Variants in ANGPT1 observed in about 807,000 individuals in gnomAD.
The protein encoded by ANGPT1 is angiopoietin-1.
In ANGPT1, 17 loss-of-function variants were observed where a neutral mutation model predicts 62.2. The ratio of observed to expected loss-of-function variants is 0.27; its 90% confidence interval spans 0.19 to 0.41. The LOEUF is 0.41. ANGPT1 is among the 10% of genes least tolerant of loss of function. The probability of loss-of-function intolerance (pLI) is 1.00; values close to 1 mark genes in which losing one functional copy is unlikely to be tolerated. For missense variants in ANGPT1, 478 were observed against 594.9 expected, an observed-to-expected ratio of 0.80 and a Z score of 2.04; for synonymous variants, 199 against 198.9, an observed-to-expected ratio of 1.00 and a Z score of 0.00.
At chr8:107,453,427 G>A (rs1217580823) in intron 1 of ANGPT1, among the ~76,000 whole-genome samples, 1 of 151,966 alleles carries the variant, frequency 6.6e-6, no homozygotes, top group Non-Finnish European at 1.5e-5. Context: ...AAGGCAAGGA[G>A]GAGCAAGTCA....
chr8:107,441,336 G>T (rs927100060), intron 1 of ANGPT1, among the ~76,000 whole-genome samples: 1 of 152,176 alleles, frequency 6.6e-6, no homozygotes, highest in Non-Finnish European at 1.5e-5. Flanking sequence ...ATCATGCAAA[G>T]CAATCATAAT....
intron 1 of ANGPT1, among the ~76,000 whole-genome samples, chr8:107,403,462 G>C (rs1027520147): frequency 2.0e-5 from 3 of 151,998 alleles, no homozygotes; most frequent in East Asian, 1.9e-4. Flanking sequence ...CAATCAGTTG[G>C]GCCTGGCAGA....
chr8:107,424,014 T>G (rs1810971913), intron 1 of ANGPT1, among the ~76,000 whole-genome samples: 1 of 151,788 alleles, frequency 6.6e-6, no homozygotes, highest in Admixed American at 6.6e-5. Context: ...CTAATTTTTG[T>G]ATTTTTAGTA....
chr8:107,488,716 TAATACTGGTAATAAGGTTAC>T (rs1812880688), intron 1 of ANGPT1, among the ~76,000 whole-genome samples: 1 of 152,210 alleles, frequency 6.6e-6, no homozygotes. Context: ...AGAAGACTGA[TAATACTGGTAATAAGGTTAC>T]AATTCTCACC....
chr8:107,463,108 T>C (rs1440350617), intron 1 of ANGPT1, among the ~76,000 whole-genome samples: 1 of 152,116 alleles, frequency 6.6e-6, no homozygotes, highest in Non-Finnish European at 1.5e-5. Context: ...TTTCAAAAGG[T>C]ATTTCTTTCA....
intron 1 of ANGPT1, among the ~76,000 whole-genome samples, chr8:107,365,874 C>CAT (rs903406986): frequency 6.6e-6 from 1 of 151,744 alleles, no homozygotes; most frequent in African/African-American, 2.4e-5. Flanking sequence ...CACACACACA[C>CAT]ACACACACAC....
intron 1 of ANGPT1, among the ~76,000 whole-genome samples, chr8:107,360,342 C>T (rs1816136413): frequency 6.6e-6 from 1 of 152,110 alleles, no homozygotes; most frequent in African/African-American, 2.4e-5. Context: ...GTTACCATCT[C>T]AGACCAATGA....
chr8:107,340,614 C>T (rs188484782), intron 2 of ANGPT1, among the ~76,000 whole-genome samples: 3 of 151,906 alleles, frequency 2.0e-5, no homozygotes, highest in Non-Finnish European at 4.4e-5. Context: ...ACCACAGTCA[C>T]TGCAGCCTCT....
At chr8:107,271,904 T>TAAAAAAAAA (rs35257524) in intron 7 of ANGPT1, among the ~76,000 whole-genome samples, 1 of 138,222 alleles carries the variant, frequency 7.2e-6, no homozygotes, top group African/African-American at 2.6e-5. Context: ...TTGATACTGG[T>TAAAAAAAAA]AAAAAAAAAA....
At chr8:107,454,394 A>C (rs900435486) in intron 1 of ANGPT1, among the ~76,000 whole-genome samples, 7 of 152,226 alleles carry the variant, frequency 4.6e-5, no homozygotes, top group African/African-American at 1.4e-4. Context: ...GTTAAAATAC[A>C]AATCAGTTCT....
intron 1 of ANGPT1, among the ~76,000 whole-genome samples, chr8:107,496,311 T>A (rs1462838316): frequency 6.6e-6 from 1 of 152,212 alleles, no homozygotes; most frequent in African/African-American, 2.4e-5. Context: ...ACAGAATGAA[T>A]TGCAGAAGTG....
At chr8:107,338,961 T>C (rs1014814078) in intron 2 of ANGPT1, among the ~76,000 whole-genome samples, 5 of 152,240 alleles carry the variant, frequency 3.3e-5, no homozygotes, top group African/African-American at 4.8e-5. Context: ...GCATATCATA[T>C]GCAGTTAAAT....
chr8:107,438,481 C>T (rs2130424653), intron 1 of ANGPT1, among the ~76,000 whole-genome samples: 1 of 152,164 alleles, frequency 6.6e-6, no homozygotes, highest in East Asian at 1.9e-4. Context: ...ATATCAGGTT[C>T]TTACAAAATA....
At chr8:107,334,623 CGTTTT>C (rs1436078969) in intron 3 of ANGPT1, among the ~76,000 whole-genome samples, 1 of 151,946 alleles carries the variant, frequency 6.6e-6, no homozygotes, top group Non-Finnish European at 1.5e-5. Context: ...AAATTGTCAT[CGTTTT>C]ACTTATCCAT....
chr8:107,384,019 A>G lies in ANGPT1; in HGVS notation c.298-36922T>C, dbSNP rs187497427. On this transcript the variant is annotated intron_variant, in intron 1 of 8. Coordinates refer to ENST00000517746, the MANE Select transcript of ANGPT1 (RefSeq NM_001146.5). ...AAAAATAAGCAATCTTCCATTGCACATGTGGTAACATAATTAAGGGTGTCA... is the reference window on the plus strand; with the variant it reads ...AAAAATAAGCAATCTTCCATTGCACGTGTGGTAACATAATTAAGGGTGTCA... Among the ~76,000 whole-genome samples, 65 of 152,334 alleles carry G rather than the reference A, an allele frequency of 4.3e-4. No homozygotes were observed. The South Asian group carries it at 9.1e-3, about 21-fold the overall frequency.
At chr8:107,272,873 CTTTT>C (rs1813770460) in intron 7 of ANGPT1, among the ~76,000 whole-genome samples, 1 of 127,534 alleles carries the variant, frequency 7.8e-6, no homozygotes, top group Non-Finnish European at 1.6e-5. Flanking sequence ...TATTCCTTCC[CTTTT>C]TTAAGAATAC....
rs774576736 is a variant in ANGPT1 at position 107,284,773 on chromosome 8, T to A, written c.1114A>T (p.Met372Leu). The change falls in exon 7 of 9, where the codon ATG becomes TTG. Residue 372 changes from methionine to leucine, a missense_variant. This residue lies in a region of ANGPT1 where 81 missense variants were observed against 117.1 expected (regional missense o/e 0.69). Coordinates refer to ENST00000517746, the MANE Select transcript of ANGPT1 (RefSeq NM_001146.5). ...IFAITSQRQYMLRIELMDWEG... is the reference protein window; with the variant it reads ...IFAITSQRQYLLRIELMDWEG... ...CAGTCCATTAACTCAATTCTTAGCA[T>A]GTACTGCCTCTGACTGGTAATGGCA... 2 of 1,612,282 alleles carry A rather than the reference T, an allele frequency of 1.2e-6. No homozygotes were observed. The highest frequency in any genetic ancestry group is 4.5e-5 in the East Asian group (2 of 44,772).
chr8:107,314,224 A>C (rs1302174013), intron 4 of ANGPT1, among the ~76,000 whole-genome samples: 1 of 152,180 alleles, frequency 6.6e-6, no homozygotes, highest in Non-Finnish European at 1.5e-5. Context: ...TAATATTGGA[A>C]CATCAAGGAA....
At chr8:107,471,911 A>G (rs1173048540) in intron 1 of ANGPT1, among the ~76,000 whole-genome samples, 1 of 152,064 alleles carries the variant, frequency 6.6e-6, no homozygotes, top group East Asian at 1.9e-4. Flanking sequence ...TCCTCAATTT[A>G]TTAACTAATA....
Sources: gnomAD v4.1 joint callset for allele counts (sites outside exome capture counted in the v4.1 genomes callset) on GRCh38, gnomAD v4.1.1 for gene constraint, gnomAD v4.1.1 regional missense constraint, MANE v1.5 for transcripts, NCBI Gene and HGNC (gene_info 2026-07-23, HGNC 2026-07-21) for gene names.